Variants in HHAT observed in about 807,000 individuals in gnomAD.
The protein encoded by HHAT is protein-cysteine N-palmitoyltransferase HHAT.
HHAT carries 47 observed loss-of-function variants against 70.8 expected under a neutral mutation model. The observed-to-expected ratio is 0.66, with a 90% CI of 0.53 to 0.85. HHAT has a LOEUF of 0.85. HHAT is among the 40% of genes least tolerant of loss of function. HHAT has a pLI of 0.00. For synonymous variants in HHAT, 228 were observed against 247.6 expected (o/e 0.92, Z 0.74); for missense variants, 609 against 604.8 (o/e 1.01, Z -0.07).
chr1:210,553,294 G>C (rs2095543497), intron 9 of HHAT, among the ~76,000 whole-genome samples: 2 of 152,290 alleles, frequency 1.3e-5, no homozygotes, highest in South Asian at 4.1e-4. Context: ...TTCTTCAGCT[G>C]TCAACTTGGC....
chr1:210,536,075 T>A (rs1448899152), intron 9 of HHAT, among the ~76,000 whole-genome samples: 2 of 152,260 alleles, frequency 1.3e-5, no homozygotes, highest in Non-Finnish European at 2.9e-5. Flanking sequence ...CTGATTTGGC[T>A]GCCTCAATGT....
chr1:210,386,547 C>G lies in HHAT; in HGVS notation c.160-921C>G, dbSNP rs116245782. Among the ~76,000 whole-genome samples the G allele has an allele frequency of 1.0e-2, 1,516 of 152,226 alleles. 33 individuals carry two copies. Among genetic ancestry groups the G allele is most frequent in the African/African-American group, 0.035 (1,439 of 41,532 alleles). On this transcript the variant is annotated intron_variant, in intron 3 of 11. Transcript: ENST00000261458. ...GCCACCGCGCCCGGCCTGCAGGAGT[C>G]CTTTTCCAGGCACACATTTTGCTTA... is the stretch of plus-strand genomic sequence containing the variant.
At chr1:210,583,703 A>T (rs1004074821) in intron 9 of HHAT, among the ~76,000 whole-genome samples, 4 of 152,198 alleles carry the variant, frequency 2.6e-5, no homozygotes, top group Non-Finnish European at 5.9e-5. Context: ...CCTGCCATAT[A>T]TGAATTTCTG....
chr1:210,374,116 A>C (rs1250048069), intron 3 of HHAT: 1 of 146,690 alleles, frequency 6.8e-6, no homozygotes, highest in Admixed American at 7.1e-5. Flanking sequence ...TTGCACCATA[A>C]TGTTTTCCTC....
At chr1:210,518,377 G>A (rs959925084) in intron 9 of HHAT, among the ~76,000 whole-genome samples, 2 of 152,100 alleles carry the variant, frequency 1.3e-5, no homozygotes, top group Non-Finnish European at 2.9e-5. Flanking sequence ...TTAACATGAC[G>A]TCCTCCAGAT....
chr1:210,385,252 C>CTTTT (rs55887436), intron 3 of HHAT, among the ~76,000 whole-genome samples: 6 of 138,892 alleles, frequency 4.3e-5, no homozygotes, highest in Admixed American at 7.2e-5. Context: ...ATATGTTTTT[C>CTTTT]TTTTTTTTTT....
chr1:210,355,131 T>A (rs1002870275), intron 2 of HHAT, among the ~76,000 whole-genome samples: 1 of 152,200 alleles, frequency 6.6e-6, no homozygotes, highest in African/African-American at 2.4e-5. Flanking sequence ...ATTTCTGATC[T>A]ACACTAAAGG....
chr1:210,512,569 G>A (rs1460095009), intron 8 of HHAT, among the ~76,000 whole-genome samples: 1 of 151,770 alleles, frequency 6.6e-6, no homozygotes, highest in Non-Finnish European at 1.5e-5. Flanking sequence ...CTACTCTGGG[G>A]GCTGAGGTGG....
intron 8 of HHAT, among the ~76,000 whole-genome samples, chr1:210,505,741 T>A (rs7526341): frequency 0.96 from 145,728 of 152,270 alleles, 69,990 homozygotes; most frequent in Non-Finnish European, 1. Flanking sequence ...AAGACTGAAG[T>A]TTGCAAATGG....
rs75457014 is a variant in HHAT, at chr1:210,377,658, A to G, written c.160-9810A>G. Among the ~76,000 whole-genome samples, 1,450 of 152,332 alleles carry G rather than the reference A, an allele frequency of 9.5e-3. 12 individuals carry two copies. Among genetic ancestry groups the G allele is most frequent in the African/African-American group, 0.028 (1,147 of 41,568 alleles). The stretch of plus-strand genomic sequence containing the variant: ...TTGGCAGTTGGGCTGAAGATACGCA[A>G]AATAACTTACCCATGTTAATTAGGT... On this transcript the variant is annotated intron_variant, in intron 3 of 11. Transcript: ENST00000261458.
At chr1:210,425,399 G>A (rs1012641127) in intron 7 of HHAT, among the ~76,000 whole-genome samples, 15 of 152,182 alleles carry the variant, frequency 9.9e-5, no homozygotes, top group Non-Finnish European at 1.3e-4. Flanking sequence ...TGTCCTCTTC[G>A]TCATGAAGTC....
intron 7 of HHAT, among the ~76,000 whole-genome samples, chr1:210,436,509 T>G (rs2148342376): frequency 6.6e-6 from 1 of 151,858 alleles, no homozygotes; most frequent in South Asian, 2.1e-4. Flanking sequence ...AAGACCGTCA[T>G]TGGTATTTTG....
chr1:210,385,252 C>CTTTTTTT (rs55887436), intron 3 of HHAT, among the ~76,000 whole-genome samples: 2 of 138,896 alleles, frequency 1.4e-5, no homozygotes. Flanking sequence ...ATATGTTTTT[C>CTTTTTTT]TTTTTTTTTT....
At chr1:210,561,365 T>C (rs1156549915) in intron 9 of HHAT, among the ~76,000 whole-genome samples, 1 of 152,230 alleles carries the variant, frequency 6.6e-6, no homozygotes, top group Non-Finnish European at 1.5e-5. Flanking sequence ...TCTAAATGTA[T>C]AAATAGGTCT....
chr1:210,424,506 GTT>G (rs71146223), intron 7 of HHAT, among the ~76,000 whole-genome samples: 61 of 135,480 alleles, frequency 4.5e-4, no homozygotes, highest in Middle Eastern at 3.8e-3. Context: ...TGTGCCATGG[GTT>G]TTTTTTTTTT....
chr1:210,401,371 C>A (rs553805881), intron 5 of HHAT, among the ~76,000 whole-genome samples: 2 of 152,262 alleles, frequency 1.3e-5, no homozygotes, highest in African/African-American at 4.8e-5. Flanking sequence ...ACCTTGGCCT[C>A]CCCAAAGTGC....
chr1:210,526,367 G>GTT (rs5780585), intron 9 of HHAT, among the ~76,000 whole-genome samples: 41,118 of 142,240 alleles, frequency 0.29, 7,139 homozygotes, highest in Non-Finnish European at 0.35. Flanking sequence ...AGTGGGTTCT[G>GTT]TTTTTTTTTT....
chr1:210,387,426 G>A (rs751789028), intron 3 of HHAT, 42 bp from the exon 4 acceptor site: 81 of 1,495,396 alleles, frequency 5.4e-5, no homozygotes, highest in Middle Eastern at 5.2e-4. Flanking sequence ...TGACTCAGAC[G>A]TGTACTGAAA....
intron 8 of HHAT, among the ~76,000 whole-genome samples, chr1:210,468,407 T>G (rs1272502707): frequency 6.6e-6 from 1 of 152,222 alleles, no homozygotes; most frequent in Non-Finnish European, 1.5e-5. Flanking sequence ...TCAGGAATCC[T>G]GCACAGCTTG....
Sources: gnomAD v4.1 joint callset for allele counts (sites outside exome capture counted in the v4.1 genomes callset) on GRCh38, gnomAD v4.1.1 for gene constraint, MANE v1.5 for transcripts, NCBI Gene and HGNC (gene_info 2026-07-23, HGNC 2026-07-21) for gene names.